BCLAF3: variants seen among roughly 807,000 people sequenced by gnomAD.
BCLAF3 encodes BCLAF1 and THRAP3 family member 3.
BCLAF3 carries 24 observed loss-of-function variants against 51.2 expected under a neutral mutation model. The observed-to-expected ratio is 0.47, with a 90% CI of 0.34 to 0.66. BCLAF3 has a LOEUF of 0.66. BCLAF3 is among the 30% of genes least tolerant of loss of function. The probability of loss-of-function intolerance (pLI) is 0.01; values close to 1 mark genes in which losing one functional copy is unlikely to be tolerated. For missense variants in BCLAF3, 465 were observed against 525.1 expected (o/e 0.89, Z 1.12); for synonymous variants, 152 against 176.6 (o/e 0.86, Z 1.10).
At chrX:19,933,351 T>C (rs1212866989) in intron 10 of BCLAF3, among the ~76,000 whole-genome samples, 1 of 112,345 alleles carries the variant, frequency 8.9e-6, no homozygotes, top group Non-Finnish European at 1.9e-5. Flanking sequence ...ATTTAGTGTT[T>C]GGTTGACTTA....
intron 1 of BCLAF3, among the ~76,000 whole-genome samples, chrX:19,980,736 G>A (rs2072583657): frequency 9.0e-6 from 1 of 110,752 alleles, no homozygotes; most frequent in African/African-American, 3.3e-5. Flanking sequence ...CCAGGAGTTG[G>A]AGACCAGCCT....
intron 10 of BCLAF3, chrX:19,930,195 C>A: frequency 4.5e-6 from 1 of 221,618 alleles, no homozygotes; most frequent in Non-Finnish European, 8.1e-6. Flanking sequence ...CCTGTAATCC[C>A]AGCTACTCAG....
chrX:19,954,913 T>C (rs2071611317), intron 5 of BCLAF3, among the ~76,000 whole-genome samples: 1 of 111,742 alleles, frequency 8.9e-6, no homozygotes, highest in South Asian at 3.7e-4. Context: ...CAACTCCCAG[T>C]TATAAAGAAT....
intron 1 of BCLAF3, among the ~76,000 whole-genome samples, chrX:19,971,691 C>T (rs1040640518): frequency 9.0e-6 from 1 of 111,638 alleles, no homozygotes; most frequent in African/African-American, 3.3e-5. Flanking sequence ...TAAGTAGTTC[C>T]TAACTTAGTG....
chrX:19,966,548 G>A lies in BCLAF3; in HGVS notation c.143C>T (p.Ala48Val), dbSNP rs751543626. 1.3e-5 allele frequency: 16 copies of A among 1,208,958 alleles called. No homozygotes were observed. In the East Asian group the frequency reaches 1.5e-4, roughly 11 times the overall value. Residue 48 changes from alanine to valine, a missense_variant, in exon 3 of 12, where the codon GCG becomes GTG. Physicochemically the swap from Ala to Val is moderately conservative, Grantham distance 64. Transcript: ENST00000379682. ...EYRKDPKRPV[A>V]WRMDSEKHGQ... ...ATGTTTCTCACTGTCCATTCTCCAC[G>A]CGACGGGTCTTTTTGGATCCTTCCT...
intron 1 of BCLAF3, among the ~76,000 whole-genome samples, chrX:19,985,952 G>A (rs2072786820): frequency 9.1e-6 from 1 of 109,474 alleles, no homozygotes; most frequent in Admixed American, 9.9e-5. Context: ...CCTTGTCTCA[G>A]GAAAAAACAA....
chrX:19,965,071 T>C lies in BCLAF3; in HGVS notation c.1247A>G (p.Asp416Gly). The C allele has an allele frequency of 2.6e-6, 3 of 1,176,049 alleles. No homozygotes were observed. Among genetic ancestry groups the C allele is most frequent in the Non-Finnish European group, 3.4e-6 (3 of 882,508 alleles). ...LRKKSLTVKV[D>G]VKKTVDTFRV... is the part of the protein sequence containing the mutation. ...GAATGTATCTACTGTTTTCTTCACA[T>C]CTACTTTAACTGTAAGTGATTTCTT... The change falls in exon 4 of 12, where the codon GAT becomes GGT. Residue 416 changes from aspartate to glycine, a missense_variant. Transcript: ENST00000379682.
intron 4 of BCLAF3, among the ~76,000 whole-genome samples, chrX:19,957,751 A>T (rs988851044): frequency 8.9e-6 from 1 of 111,801 alleles, no homozygotes; most frequent in South Asian, 3.7e-4. Flanking sequence ...CTACTACAAG[A>T]TCTTTAATAA....
In BCLAF3 at chrX:19,966,596, T is replaced by C. The variant is rs1270338800; in HGVS notation, c.95A>G (p.His32Arg). 1.7e-6 allele frequency: 2 copies of C among 1,211,240 alleles called. No individual in the cohort carries two copies. The highest frequency in any genetic ancestry group is 1.1e-6 in the Non-Finnish European group (1 of 895,420). Residue 32 changes from histidine (H) to arginine (R), a missense_variant, in exon 3 of 12, where the codon CAC (histidine) becomes CGC (arginine). Transcript: ENST00000379682. ...NAEHYKQRHS[H>R]GHYGCEYRKD... ...CCTATATTCACAGCCATAATGCCCG[T>C]GTGAATGTCTTTGCTTGTAGTGTTC...
intron 4 of BCLAF3, among the ~76,000 whole-genome samples, chrX:19,957,939 T>C (rs1204619690): frequency 8.9e-6 from 1 of 111,941 alleles, no homozygotes; most frequent in African/African-American, 3.2e-5. Flanking sequence ...TGGTTCACAT[T>C]TTACTTTTTA....
intron 11 of BCLAF3, among the ~76,000 whole-genome samples, chrX:19,920,174 C>T (rs183685396): frequency 1.8e-5 from 2 of 112,032 alleles, no homozygotes; most frequent in African/African-American, 6.5e-5. Flanking sequence ...GGTAATGTAT[C>T]GCATGTGTTG....
At chrX:19,934,847 T>C (rs1401117372) in intron 10 of BCLAF3, among the ~76,000 whole-genome samples, 2 of 111,885 alleles carry the variant, frequency 1.8e-5, no homozygotes, top group East Asian at 5.6e-4. Flanking sequence ...ACTGTCAAAA[T>C]TGATTTTAAA....
chrX:19,950,695 A>G, intron 8 of BCLAF3, 58 bp downstream of exon 8: 1 of 870,529 alleles, frequency 1.1e-6, no homozygotes, highest in East Asian at 3.2e-5. Flanking sequence ...AAAAAATGTA[A>G]AAATATGGTA....
intron 11 of BCLAF3, among the ~76,000 whole-genome samples, chrX:19,927,385 C>T (rs1358882675): frequency 3.6e-5 from 4 of 111,431 alleles, no homozygotes; most frequent in Non-Finnish European, 5.7e-5. Context: ...AATAAGTTGC[C>T]AACTTCATTC....
chrX:19,968,339 CA>C (rs1183635206), intron 2 of BCLAF3, among the ~76,000 whole-genome samples: 5 of 112,481 alleles, frequency 4.4e-5, no homozygotes, highest in African/African-American at 1.6e-4. Flanking sequence ...GGCAGTGTTG[CA>C]AGATAGAGAT....
At chrX:19,922,180 T>C (rs1354937657) in intron 11 of BCLAF3, among the ~76,000 whole-genome samples, 1 of 110,189 alleles carries the variant, frequency 9.1e-6, no homozygotes, top group Non-Finnish European at 1.9e-5. Flanking sequence ...GTTCGAGACC[T>C]GGACAAAATC....
intron 1 of BCLAF3, among the ~76,000 whole-genome samples, chrX:19,984,880 T>C (rs1402807716): frequency 9.0e-6 from 1 of 110,854 alleles, no homozygotes; most frequent in Non-Finnish European, 1.9e-5. Flanking sequence ...AGAGACGGGG[T>C]TTCTCCATGT....
intron 9 of BCLAF3, among the ~76,000 whole-genome samples, chrX:19,936,838 G>A (rs1029377944): frequency 9.0e-6 from 1 of 111,111 alleles, no homozygotes; most frequent in African/African-American, 3.3e-5. Context: ...ACAGGCATGA[G>A]GGTTCATATT....
At chrX:19,952,828 T>C (rs1039444955) in intron 7 of BCLAF3, among the ~76,000 whole-genome samples, 160 bp downstream of exon 7, 1 of 111,938 alleles carries the variant, frequency 8.9e-6, no homozygotes, top group Non-Finnish European at 1.9e-5. Flanking sequence ...ACCTGGCTGA[T>C]AGTCAGAATC....
Sources: allele counts gnomAD v4.1 joint callset (sites outside exome capture counted in the v4.1 genomes callset), GRCh38; gene constraint gnomAD v4.1.1; transcripts MANE v1.5; gene names NCBI Gene and HGNC (gene_info 2026-07-23, HGNC 2026-07-21).